The following CSMD1 variants were observed in gnomAD, a reference collection of about 807,000 sequenced individuals.
CSMD1 encodes CUB and Sushi multiple domains 1.
A neutral mutation model predicts 417.5 loss-of-function variants in CSMD1; 213 were observed. The ratio of observed to expected loss-of-function variants is 0.51; its 90% confidence interval spans 0.46 to 0.57. The LOEUF is 0.57. Among genes scored for constraint, CSMD1 ranks in the 20% least tolerant of loss-of-function variants. The pLI, the probability that CSMD1 is intolerant of heterozygous loss-of-function variation, is 0.00. For synonymous variants in CSMD1, 2,862 were observed against 1,736.8 expected (o/e 1.65, Z -16.11); for missense variants, 6,923 against 4,529.7 (o/e 1.53, Z -15.17).
chr8:3,282,947 G>A (rs1349668564), intron 26 of CSMD1, among the ~76,000 whole-genome samples: 1 of 152,074 alleles, frequency 6.6e-6, no homozygotes, highest in Non-Finnish European at 1.5e-5. Flanking sequence ...CTTGTGTGCT[G>A]CCCAATAATA....
chr8:3,878,107 C>T (rs1434049166), intron 5 of CSMD1, among the ~76,000 whole-genome samples: 1 of 152,096 alleles, frequency 6.6e-6, no homozygotes, highest in African/African-American at 2.4e-5. Flanking sequence ...GCCTGTCTTC[C>T]TTCCTCCTTC....
intron 5 of CSMD1, among the ~76,000 whole-genome samples, chr8:3,838,355 G>A (rs905038131): frequency 6.6e-6 from 1 of 151,596 alleles, no homozygotes; most frequent in African/African-American, 2.4e-5. Flanking sequence ...GGGTGATGTC[G>A]TGAGACACTG....
intron 5 of CSMD1, among the ~76,000 whole-genome samples, chr8:3,943,868 C>T (rs138177085): frequency 4.9e-4 from 75 of 152,048 alleles, no homozygotes; most frequent in African/African-American, 1.7e-3. Context: ...TTTAGGGAAA[C>T]GAAAGAGACA....
At chr8:3,181,364 A>T (rs1297593686) in intron 36 of CSMD1, 150 bp from the exon 37 acceptor site, 5 of 629,160 alleles carry the variant, frequency 7.9e-6, no homozygotes, top group Non-Finnish European at 1.4e-5. Flanking sequence ...TTTATTATGT[A>T]TTCAGCCATT....
At chr8:4,854,956 G>A (rs931229707) in intron 1 of CSMD1, among the ~76,000 whole-genome samples, 9 of 152,144 alleles carry the variant, frequency 5.9e-5, no homozygotes, top group African/African-American at 2.2e-4. Flanking sequence ...CCACCTCTGG[G>A]GGCAGGGCAC....
chr8:2,974,504 G>A lies in CSMD1; in HGVS notation c.8687C>T (p.Thr2896Met), dbSNP rs749345233. 4.6e-5 allele frequency: 75 copies of A among 1,613,472 alleles called. No homozygotes were observed. The highest frequency in any genetic ancestry group is 1.6e-4 in the Middle Eastern group (1 of 6,080). The change falls in exon 56 of 70, where the codon ACG (threonine) becomes ATG (methionine). Residue 2896 changes from threonine to methionine, a missense_variant. Coordinates refer to ENST00000635120, the MANE Select transcript of CSMD1 (RefSeq NM_033225.6). ...RGSESLIGND[T>M]RVCQEDSHWS... is the part of the protein sequence containing the mutation. ...GTGACTGTCTTCCTGGCACACTCTC[G>A]TGTCGTTGCCTATGAGGCTCTCGCT...
chr8:4,969,459 T>C (rs1810101530), intron 1 of CSMD1, among the ~76,000 whole-genome samples: 1 of 151,716 alleles, frequency 6.6e-6, no homozygotes, highest in Non-Finnish European at 1.5e-5. Flanking sequence ...AAAATCTTTC[T>C]ATTCATATTC....
intron 7 of CSMD1, among the ~76,000 whole-genome samples, chr8:3,688,011 C>T (rs1469910494): frequency 4.6e-5 from 7 of 152,214 alleles, no homozygotes; most frequent in Non-Finnish European, 7.3e-5. Context: ...TTTAAATCTG[C>T]AAATTTTCAG....
intron 1 of CSMD1, among the ~76,000 whole-genome samples, chr8:4,878,150 AATT>A (rs1430220544): frequency 2.0e-5 from 3 of 152,088 alleles, no homozygotes; most frequent in African/African-American, 7.3e-5. Context: ...AGTCTAAGAA[AATT>A]ATTTTAGAAT....
intron 3 of CSMD1, among the ~76,000 whole-genome samples, chr8:4,108,252 G>A (rs1017344103): frequency 5.3e-5 from 8 of 152,108 alleles, no homozygotes; most frequent in African/African-American, 1.9e-4. Flanking sequence ...ATTTCTATAG[G>A]TTGAGTTGTT....
chr8:3,411,807 CGTATATATACGT>C (rs1366981469), intron 12 of CSMD1, among the ~76,000 whole-genome samples: 2 of 105,506 alleles, frequency 1.9e-5, no homozygotes, highest in African/African-American at 7.6e-5. Context: ...TATATATACA[CGTATATATACGT>C]GTATATGTAT....
chr8:3,409,750 A>C, intron 12 of CSMD1, 145 bp from the exon 13 acceptor site: 1 of 613,710 alleles, frequency 1.6e-6, no homozygotes, highest in Non-Finnish European at 2.8e-6. Flanking sequence ...TATTCAATTG[A>C]TCTTAAATTT....
intron 1 of CSMD1, among the ~76,000 whole-genome samples, chr8:4,957,972 G>A (rs972874379): frequency 1.3e-5 from 2 of 152,152 alleles, no homozygotes; most frequent in African/African-American, 2.4e-5. Context: ...TTAGTAAGAT[G>A]TTATTTTTTC....
In CSMD1 at chr8:4,566,396, G is replaced by C. The variant is rs545133445; in HGVS notation, c.302+70946C>G. Among the ~76,000 whole-genome samples, 6 of 152,216 alleles carry C rather than the reference G, an allele frequency of 3.9e-5. No homozygotes were observed. In the East Asian group the frequency reaches 5.8e-4, roughly 15 times the overall value. On this transcript the variant is annotated intron_variant, in intron 2 of 69. Coordinates refer to ENST00000635120, the MANE Select transcript of CSMD1 (RefSeq NM_033225.6). Reference sequence around the variant, plus strand: ...TGGCCGGGCGTGGTGGCTCATGCCTGTAATCCCATCACTTTGGGAGGCCGA... The same window carrying C: ...TGGCCGGGCGTGGTGGCTCATGCCTCTAATCCCATCACTTTGGGAGGCCGA...
chr8:4,248,673 T>A (rs1008342520), intron 3 of CSMD1, among the ~76,000 whole-genome samples: 1 of 152,162 alleles, frequency 6.6e-6, no homozygotes, highest in African/African-American at 2.4e-5. Flanking sequence ...ATCAGCCTCC[T>A]GTCCTGCCCT....
intron 5 of CSMD1, among the ~76,000 whole-genome samples, chr8:3,774,568 C>T (rs925154212): frequency 2.0e-5 from 3 of 152,298 alleles, no homozygotes; most frequent in Non-Finnish European, 4.4e-5. Flanking sequence ...GACAGAACGT[C>T]ATGTCTTCCT....
chr8:4,750,604 G>A (rs1029439719), intron 1 of CSMD1, among the ~76,000 whole-genome samples: 1 of 152,016 alleles, frequency 6.6e-6, no homozygotes, highest in Non-Finnish European at 1.5e-5. Context: ...TCGTGATCCA[G>A]CAATGAGACT....
chr8:3,720,737 C>G (rs1802114243), intron 6 of CSMD1, among the ~76,000 whole-genome samples: 2 of 152,042 alleles, frequency 1.3e-5, no homozygotes, highest in East Asian at 3.9e-4. Context: ...CTGGGAGATT[C>G]ATTTTACAGA....
intron 1 of CSMD1, among the ~76,000 whole-genome samples, chr8:4,671,871 A>C (rs1348210034): frequency 6.6e-6 from 1 of 152,114 alleles, no homozygotes. Context: ...AAATTATCTT[A>C]AAAACGAGAA....
Sources: gnomAD v4.1 joint callset for allele counts (sites outside exome capture counted in the v4.1 genomes callset) on GRCh38, gnomAD v4.1.1 for gene constraint, MANE v1.5 for transcripts, NCBI Gene and HGNC (gene_info 2026-07-23, HGNC 2026-07-21) for gene names.